Variants in FYN observed in about 807,000 individuals in gnomAD.
The protein encoded by FYN is FYN proto-oncogene, Src family tyrosine kinase.
A neutral mutation model predicts 70.2 loss-of-function variants in FYN; 10 were observed. The observed-to-expected ratio is 0.14, with a 90% CI of 0.09 to 0.24. FYN has a LOEUF of 0.24. FYN is among the 10% of genes least tolerant of loss of function. The pLI is 1.00. For missense variants in FYN, 319 were observed against 673.1 expected (o/e 0.47, Z 5.82); for synonymous variants, 236 against 248.6 (o/e 0.95, Z 0.48).
At chr6:111,839,215 C>T (rs1773279794) in intron 2 of FYN, among the ~76,000 whole-genome samples, 1 of 152,084 alleles carries the variant, frequency 6.6e-6, no homozygotes, top group Non-Finnish European at 1.5e-5. Context: ...TCCAAACTGC[C>T]TTCTGTTTAC....
intron 3 of FYN, among the ~76,000 whole-genome samples, chr6:111,763,756 G>A (rs1803100660): frequency 6.6e-6 from 1 of 152,004 alleles, no homozygotes; most frequent in South Asian, 2.1e-4. Flanking sequence ...GTAGCTTAGG[G>A]GGAAAAGCAT....
chr6:111,731,488 T>C (rs1317883749), intron 3 of FYN, among the ~76,000 whole-genome samples: 3 of 152,204 alleles, frequency 2.0e-5, no homozygotes, highest in Admixed American at 2.0e-4. Context: ...GGGCAGAGGC[T>C]GGTGTCTTTC....
intron 1 of FYN, among the ~76,000 whole-genome samples, chr6:111,866,756 C>T (rs1774119175): frequency 6.6e-6 from 1 of 152,206 alleles, no homozygotes; most frequent in African/African-American, 2.4e-5. Context: ...TTTTTCCTCA[C>T]GAGTAAAATG....
At chr6:111,830,475 G>A (rs2114409204) in intron 2 of FYN, among the ~76,000 whole-genome samples, 1 of 151,526 alleles carries the variant, frequency 6.6e-6, no homozygotes, top group South Asian at 2.1e-4. Flanking sequence ...CCACATACAA[G>A]GGAAGACTGA....
At chr6:111,684,369 T>C (rs1798903341) in intron 12 of FYN, among the ~76,000 whole-genome samples, 1 of 151,734 alleles carries the variant, frequency 6.6e-6, no homozygotes, top group Admixed American at 6.6e-5. Context: ...GAGCCCAGAG[T>C]TCAAGACTGG....
intron 5 of FYN, among the ~76,000 whole-genome samples, chr6:111,709,239 A>AG (rs1162803124): frequency 5.3e-5 from 8 of 152,090 alleles, no homozygotes; most frequent in Admixed American, 3.3e-4. Context: ...GCTTTCAGCC[A>AG]GGGGAAAAAA....
At chr6:111,755,181 AC>A (rs1163889902) in intron 3 of FYN, among the ~76,000 whole-genome samples, 2 of 152,176 alleles carry the variant, frequency 1.3e-5, no homozygotes, top group African/African-American at 4.8e-5. Flanking sequence ...TGATTTTGAT[AC>A]TTTTTTTGTT....
At chr6:111,856,193 T>A (rs968374978) in intron 1 of FYN, among the ~76,000 whole-genome samples, 6 of 152,214 alleles carry the variant, frequency 3.9e-5, no homozygotes, top group Non-Finnish European at 7.3e-5. Flanking sequence ...CAGTTACACA[T>A]TTCAACATTT....
intron 3 of FYN, among the ~76,000 whole-genome samples, chr6:111,769,483 G>C (rs1207179876): frequency 6.6e-6 from 1 of 152,124 alleles, no homozygotes; most frequent in Non-Finnish European, 1.5e-5. Flanking sequence ...ACATTTAGTG[G>C]AAATGGAATC....
At chr6:111,734,785 T>C (rs1207498730) in intron 3 of FYN, among the ~76,000 whole-genome samples, 1 of 152,234 alleles carries the variant, frequency 6.6e-6, no homozygotes, top group Non-Finnish European at 1.5e-5. Flanking sequence ...GCATTTTTGT[T>C]TCTCTGCACA....
chr6:111,674,343 G>T, intron 13 of FYN, 156 bp downstream of exon 13: 1 of 773,396 alleles, frequency 1.3e-6, no homozygotes, highest in Non-Finnish European at 2.1e-6. Flanking sequence ...TCCCAGTTCT[G>T]CTTTTCTCTC....
Position 111,770,193 on chromosome 6 carries a change from A to G in FYN, c.-12+10373T>C, listed in dbSNP as rs145138193. On this transcript the variant is annotated intron_variant, in intron 3 of 13. Coordinates refer to ENST00000354650, the MANE Select transcript of FYN (RefSeq NM_002037.5). ...AATGTAAACTACATATGAAGTTTCA[A>G]AGACTTAGTACAAAAATATCTCAAT... Among the ~76,000 whole-genome samples the G allele has an allele frequency of 8.5e-5, 13 of 152,356 alleles. No homozygotes were observed. The East Asian group carries it at 2.5e-3, about 29-fold the overall frequency.
At chr6:111,682,116 G>C (rs760492835) in intron 12 of FYN, among the ~76,000 whole-genome samples, 2 of 152,224 alleles carry the variant, frequency 1.3e-5, no homozygotes, top group Non-Finnish European at 1.5e-5. Context: ...ACTAGCTAAA[G>C]GGTCCAGCCA....
intron 3 of FYN, among the ~76,000 whole-genome samples, chr6:111,776,435 A>G (rs943433234): frequency 1.3e-5 from 2 of 152,216 alleles, no homozygotes; most frequent in African/African-American, 2.4e-5. Flanking sequence ...CATCTTAAAA[A>G]CAGTAGACTG....
chr6:111,785,106 A>T (rs72942178), intron 2 of FYN, among the ~76,000 whole-genome samples: 63 of 152,308 alleles, frequency 4.1e-4, no homozygotes, highest in African/African-American at 1.5e-3. Context: ...TCTATCAAGG[A>T]GTGGAAGAAC....
intron 2 of FYN, among the ~76,000 whole-genome samples, chr6:111,798,614 A>G (rs1174756731): frequency 6.6e-6 from 1 of 152,126 alleles, no homozygotes; most frequent in Non-Finnish European, 1.5e-5. Flanking sequence ...CTGGGTAGTA[A>G]CTGGGCAGAC....
rs1771405629 is a variant in FYN at position 111,786,782 on chromosome 6, T to C, written c.-81-6147A>G. ...CTAACTGGTGTGAGATGGTATCTCA[T>C]TGTGGTTTTGATTTGCATTTCTCTG... On this transcript the variant is annotated intron_variant, in intron 2 of 13. Transcript: ENST00000354650. 3.9e-5 allele frequency among the ~76,000 whole-genome samples: 6 copies of C among 152,330 alleles called. No homozygotes were observed. The South Asian group carries it at 1.2e-3, about 32-fold the overall frequency.
chr6:111,792,520 C>A (rs141710499), intron 2 of FYN, among the ~76,000 whole-genome samples: 15 of 152,308 alleles, frequency 9.8e-5, no homozygotes, highest in African/African-American at 3.6e-4. Context: ...CAAGAATGAT[C>A]CTACCAGTAC....
chr6:111,696,859 T>TA (rs1364629092), intron 9 of FYN: 1 of 153,672 alleles, frequency 6.5e-6, no homozygotes, highest in African/African-American at 2.4e-5. Context: ...TGGAAGAAAT[T>TA]AGATTATTTA....
Sources: allele counts gnomAD v4.1 joint callset (sites outside exome capture counted in the v4.1 genomes callset), GRCh38; gene constraint gnomAD v4.1.1; transcripts MANE v1.5; gene names NCBI Gene and HGNC (gene_info 2026-07-23, HGNC 2026-07-21).